CYRIB: variants seen among roughly 807,000 people sequenced by gnomAD.
The protein encoded by CYRIB is CYFIP related Rac1 interactor B.
CYRIB carries 8 observed loss-of-function variants against 44.2 expected under a neutral mutation model. The ratio of observed to expected loss-of-function variants is 0.18; its 90% CI spans 0.11 to 0.33. The LOEUF (loss-of-function observed/expected upper bound fraction) is 0.33, where lower values mean the gene tolerates loss of function less well. Among genes scored for constraint, CYRIB ranks in the 10% least tolerant of loss-of-function variants. The probability of loss-of-function intolerance (pLI) is 1.00; values close to 1 mark genes in which losing one functional copy is unlikely to be tolerated. For missense variants in CYRIB, 185 were observed against 382.8 expected (o/e 0.48, Z 4.31); for synonymous variants, 131 against 127.2 (o/e 1.03, Z -0.20).
intron 11 of CYRIB, among the ~76,000 whole-genome samples, 156 bp from the exon 14 acceptor site, chr8:129,842,361 C>A (rs762596329): frequency 6.6e-6 from 1 of 152,192 alleles, no homozygotes; most frequent in African/African-American, 2.4e-5. Context: ...TTCTGCACAG[C>A]CTGTCATCCT....
upstream of CYRIB, among the ~76,000 whole-genome samples, chr8:129,944,511 G>A (rs539171932): frequency 1.6e-4 from 24 of 152,018 alleles, no homozygotes; most frequent in African/African-American, 4.4e-4. Context: ...TGCCGGGCGC[G>A]GTGGCTCACG....
At chr8:130,006,605 T>TATATAC (rs374570395) in intron 1 of CYRIB, among the ~76,000 whole-genome samples, 1 of 23,334 alleles carries the variant, frequency 4.3e-5, no homozygotes, top group African/African-American at 5.4e-4. Context: ...TATATATATA[T>TATATAC]ACATATATAT....
chr8:129,926,441 A>G (rs1418531869), intron 1 of CYRIB, among the ~76,000 whole-genome samples: 2 of 152,188 alleles, frequency 1.3e-5, no homozygotes, highest in Non-Finnish European at 2.9e-5. Flanking sequence ...CAAACCCTTT[A>G]ATGGCTCCCT....
chr8:129,896,990 T>C (rs2068408814), intron 2 of CYRIB: 1 of 152,230 alleles, frequency 6.6e-6, no homozygotes, highest in Non-Finnish European at 1.5e-5. Context: ...AGTTAAAAGA[T>C]AAGGTATTCT....
intron 1 of CYRIB, among the ~76,000 whole-genome samples, chr8:130,005,717 C>T (rs1197833228): frequency 1.3e-5 from 2 of 151,784 alleles, no homozygotes; most frequent in Non-Finnish European, 2.9e-5. Flanking sequence ...AAGCTGGGAA[C>T]CTATAATTCC....
intron 2 of CYRIB, among the ~76,000 whole-genome samples, chr8:129,968,940 T>C (rs1564495722): frequency 6.6e-6 from 1 of 151,566 alleles, no homozygotes; most frequent in African/African-American, 2.4e-5. Context: ...TCAGGCTCTA[T>C]AGCTTCTGTG....
chr8:129,963,635 T>C (rs2095361266), intron 2 of CYRIB, among the ~76,000 whole-genome samples: 1 of 152,234 alleles, frequency 6.6e-6, no homozygotes, highest in Non-Finnish European at 1.5e-5. Flanking sequence ...AGGAGTCAGA[T>C]AACACTGTTG....
chr8:129,887,454 A>T lies in CYRIB; in HGVS notation c.-10-7983T>A, dbSNP rs934355669. Among the ~76,000 whole-genome samples, 2 of 152,212 alleles carry T rather than the reference A, an allele frequency of 1.3e-5. 1 individual carries two copies. Among genetic ancestry groups the T allele is most frequent in the South Asian group, 4.1e-4 (2 of 4,832 alleles). On this transcript the variant is annotated intron_variant, in intron 2 of 11. Coordinates refer to ENST00000519824, the Ensembl canonical transcript of CYRIB. ...AGAGCCCTCATGGAGAACCTCTACT[A>T]GGACAGTGCACTGGGGAAATGTAGG...
At chr8:129,921,678 G>T (rs1207535091) in intron 1 of CYRIB, among the ~76,000 whole-genome samples, 1 of 152,140 alleles carries the variant, frequency 6.6e-6, no homozygotes, top group Non-Finnish European at 1.5e-5. Flanking sequence ...AAATGTGACA[G>T]ACATTATATG....
exon 9 of CYRIB, chr8:129,850,883 T>C: frequency 6.2e-7 from 1 of 1,612,490 alleles, no homozygotes; most frequent in Non-Finnish European, 8.5e-7. Context: ...GCTTAAACAA[T>C]CTGTGGTATT....
intron 1 of CYRIB, among the ~76,000 whole-genome samples, chr8:129,929,675 C>T: frequency 6.6e-6 from 1 of 151,936 alleles, no homozygotes; most frequent in East Asian, 1.9e-4. Flanking sequence ...AATAGCATAC[C>T]AAAATGGCGT....
chr8:129,954,717 AC>A (rs1405774416), intron 2 of CYRIB, among the ~76,000 whole-genome samples: 1 of 152,144 alleles, frequency 6.6e-6, no homozygotes, highest in Non-Finnish European at 1.5e-5. Flanking sequence ...TGAACTCTGG[AC>A]CCAGGGGGAA....
At chr8:129,914,220 G>A (rs969810329) in intron 1 of CYRIB, among the ~76,000 whole-genome samples, 3 of 152,184 alleles carry the variant, frequency 2.0e-5, no homozygotes, top group Non-Finnish European at 2.9e-5. Context: ...AAACAAAAGC[G>A]ATAATGCTGG....
At chr8:129,853,834 T>C (rs1025957916) in intron 7 of CYRIB, among the ~76,000 whole-genome samples, 2 of 152,214 alleles carry the variant, frequency 1.3e-5, no homozygotes, top group Non-Finnish European at 2.9e-5. Context: ...CTTGCCAGCA[T>C]TAACCATTAA....
rs952985255 is a variant in CYRIB, at chr8:129,862,435, T to C, written c.196-101A>G. On this transcript the variant is annotated intron_variant, in intron 4 of 11. Transcript: ENST00000519824. The stretch of plus-strand genomic sequence containing the variant: ...TTAGCAAACATAGGAAACACTGGTA[T>C]AATCCATAAAATATAGAATATTGAA... The C allele has an allele frequency of 6.9e-6, 6 of 875,388 alleles. No individual in the cohort carries two copies. In the African/African-American group the frequency reaches 1.0e-4, roughly 15 times the overall value. 54.2% of individuals were successfully genotyped at this position (875,388 alleles called of 1,614,324 possible). A position where few individuals can be genotyped will look rare whatever the true frequency, so the allele number is the denominator to read the frequency against.
At chr8:129,893,030 T>C (rs2066153635) in intron 2 of CYRIB, among the ~76,000 whole-genome samples, 1 of 152,210 alleles carries the variant, frequency 6.6e-6, no homozygotes. Context: ...CTTGTATGAA[T>C]CAGTAATTTT....
intron 1 of CYRIB, among the ~76,000 whole-genome samples, chr8:129,928,063 T>C (rs1272299280): frequency 6.6e-6 from 1 of 151,692 alleles, no homozygotes; most frequent in African/African-American, 2.4e-5. Context: ...GTAAATCTCA[T>C]AATCTTTGGT....
intron 9 of CYRIB, 175 bp from the exon 12 acceptor site, chr8:129,849,544 C>T (rs1018972198): frequency 3.6e-6 from 2 of 556,456 alleles, no homozygotes; most frequent in Admixed American, 3.9e-5. Context: ...TGTCTGTTTT[C>T]CTTTCCAAAT....
chr8:129,922,352 C>T (rs2084113121), intron 1 of CYRIB, among the ~76,000 whole-genome samples: 2 of 152,102 alleles, frequency 1.3e-5, no homozygotes, highest in Admixed American at 1.3e-4. Flanking sequence ...GCCATTCCTA[C>T]AAACAAGCAG....
Sources: gnomAD v4.1 joint callset for allele counts (sites outside exome capture counted in the v4.1 genomes callset) on GRCh38, gnomAD v4.1.1 for gene constraint, MANE v1.5 for transcripts, NCBI Gene and HGNC (gene_info 2026-07-23, HGNC 2026-07-21) for gene names.